The following XYLB variants were observed in gnomAD, a reference collection of about 807,000 sequenced individuals.
XYLB encodes xylulose kinase.
A neutral mutation model predicts 78.7 loss-of-function variants in XYLB; 62 were observed. The ratio of observed to expected loss-of-function variants is 0.79; its 90% CI spans 0.64 to 0.97. The LOEUF (loss-of-function observed/expected upper bound fraction) is 0.97, where lower values mean the gene tolerates loss of function less well. Ranked by LOEUF, XYLB falls within the 50% of genes least tolerant of loss-of-function variation. The pLI is 0.00. For synonymous variants in XYLB, 245 were observed against 247.4 expected, an observed-to-expected ratio of 0.99 and a Z score of 0.09; for missense variants, 687 against 676.8, an observed-to-expected ratio of 1.02 and a Z score of -0.17.
At chr3:38,355,110 CAGGGGAAG>C (rs1274088179) in intron 2 of XYLB, among the ~76,000 whole-genome samples, 2 of 152,198 alleles carry the variant, frequency 1.3e-5, no homozygotes, top group African/African-American at 4.8e-5. Context: ...TCCAGTAGAA[CAGGGGAAG>C]TGGCATTGTG....
At chr3:38,388,169 G>GTTTTTTT (rs71085320) in intron 15 of XYLB, among the ~76,000 whole-genome samples, 2 of 109,338 alleles carry the variant, frequency 1.8e-5, no homozygotes, top group African/African-American at 6.5e-5. Flanking sequence ...GTTTTTTTTT[G>GTTTTTTT]TTTTTTTTTT....
chr3:38,411,809 A>G (rs1445906925), intron 18 of XYLB, among the ~76,000 whole-genome samples: 1 of 152,014 alleles, frequency 6.6e-6, no homozygotes, highest in African/African-American at 2.4e-5. Context: ...CTGCATCTGA[A>G]CTGAGAAAAC....
intron 10 of XYLB, 143 bp from the exon 11 acceptor site, chr3:38,374,319 C>G: frequency 8.5e-7 from 1 of 1,178,450 alleles, no homozygotes; most frequent in Non-Finnish European, 1.2e-6. Flanking sequence ...CCTGAGCGCT[C>G]AGCTCCCCTG....
At chr3:38,446,193 T>C in the XYLB span, among the ~76,000 whole-genome samples, 1 of 152,174 alleles carries the variant, frequency 6.6e-6, no homozygotes, top group South Asian at 2.1e-4. Flanking sequence ...GATTGGTCCA[T>C]TTTACAGTGT....
At chr3:38,375,400 A>G (rs2125602837) in intron 12 of XYLB, 141 bp downstream of exon 12, 1 of 701,946 alleles carries the variant, frequency 1.4e-6, no homozygotes, top group East Asian at 2.7e-5. Flanking sequence ...GGCAACTGAG[A>G]CCCCCAAGGA....
At chr3:38,430,438 G>A in the XYLB span, among the ~76,000 whole-genome samples, 1 of 152,126 alleles carries the variant, frequency 6.6e-6, no homozygotes, top group East Asian at 1.9e-4. Context: ...TAAGTTCTTT[G>A]TAGATTCTCG....
the XYLB span, among the ~76,000 whole-genome samples, chr3:38,435,988 CA>C: frequency 6.6e-6 from 1 of 152,170 alleles, no homozygotes; most frequent in South Asian, 2.1e-4. Flanking sequence ...ATAGAAAGAT[CA>C]CAAGTTAACA....
intron 12 of XYLB, 132 bp downstream of exon 12, chr3:38,375,391 G>A: frequency 2.6e-6 from 2 of 779,804 alleles, no homozygotes; most frequent in South Asian, 1.7e-5. Context: ...GCTCTGCTGG[G>A]CAACTGAGAC....
At chr3:38,434,678 T>C in the XYLB span, among the ~76,000 whole-genome samples, 1 of 152,058 alleles carries the variant, frequency 6.6e-6, no homozygotes, top group East Asian at 1.9e-4. Context: ...AGAGCTCAAA[T>C]AGTACCACTA....
chr3:38,347,632 C>T (rs1420333567), intron 1 of XYLB, among the ~76,000 whole-genome samples: 1 of 151,742 alleles, frequency 6.6e-6, no homozygotes, highest in Non-Finnish European at 1.5e-5. Context: ...GCTAAGATGG[C>T]GTCACCGGTC....
At position 38,413,826 on chromosome 3, in the gene XYLB, C is replaced by T. The variant is rs1350253293; in HGVS notation, c.*813C>T. ...AGAACTTCTCTCCCTTTTTCTCCCT[C>T]ATTCCCTCTCTCTTCTTGCAGTCCA... is the stretch of plus-strand genomic sequence containing the variant. On this transcript the variant is annotated 3_prime_UTR_variant, in exon 19 of 19. Transcript: ENST00000207870. 1 of 152,218 alleles carries T rather than the reference C, an allele frequency of 6.6e-6. No homozygotes were observed. The highest frequency in any genetic ancestry group is 2.1e-4 in the South Asian group (1 of 4,834). 9.4% of individuals were successfully genotyped at this position (152,218 alleles called of 1,614,324 possible).
At chr3:38,375,937 C>T (rs1706830727) in intron 12 of XYLB, among the ~76,000 whole-genome samples, 180 bp from the exon 13 acceptor site, 1 of 152,188 alleles carries the variant, frequency 6.6e-6, no homozygotes, top group Non-Finnish European at 1.5e-5. Context: ...CAGGGACATT[C>T]AGGGGCCTGA....
chr3:38,420,396 A>G (rs575940139), exon 18 of XYLB, among the ~76,000 whole-genome samples: 6 of 152,356 alleles, frequency 3.9e-5, no homozygotes, highest in Admixed American at 3.3e-4. Context: ...ACAGCATTTT[A>G]TCACTAAGAG....
chr3:38,439,372 A>C, the XYLB span, among the ~76,000 whole-genome samples: 1 of 152,230 alleles, frequency 6.6e-6, no homozygotes, highest in African/African-American at 2.4e-5. Context: ...CAAGGATGTT[A>C]AAAATACAAG....
intron 17 of XYLB, among the ~76,000 whole-genome samples, chr3:38,397,894 A>C (rs960301220): frequency 6.7e-6 from 1 of 150,126 alleles, no homozygotes; most frequent in African/African-American, 2.4e-5. Flanking sequence ...TCTTGGTTCA[A>C]TGCAAGCTCT....
At chr3:38,408,649 A>T (rs906550252) in intron 18 of XYLB, among the ~76,000 whole-genome samples, 4 of 150,984 alleles carry the variant, frequency 2.6e-5, no homozygotes, top group African/African-American at 4.9e-5. Flanking sequence ...CAAGACTAAT[A>T]AAGAAGAAAA....
At chr3:38,395,989 A>G (rs555573876) in intron 16 of XYLB, among the ~76,000 whole-genome samples, 5 of 152,346 alleles carry the variant, frequency 3.3e-5, no homozygotes, top group South Asian at 2.1e-4. Flanking sequence ...TGCCAGAAAC[A>G]TATGACCAAA....
the XYLB span, among the ~76,000 whole-genome samples, chr3:38,428,563 A>G: frequency 6.6e-6 from 1 of 152,182 alleles, no homozygotes; most frequent in Admixed American, 6.5e-5. Context: ...CACTTATGAA[A>G]TGTTCCTCTT....
chr3:38,429,962 G>A, the XYLB span, among the ~76,000 whole-genome samples: 2 of 152,302 alleles, frequency 1.3e-5, no homozygotes, highest in South Asian at 2.1e-4. Flanking sequence ...ATCATTGATG[G>A]ACATTTGGTT....
Sources: gnomAD v4.1 joint callset for allele counts (sites outside exome capture counted in the v4.1 genomes callset) on GRCh38, gnomAD v4.1.1 for gene constraint, MANE v1.5 for transcripts, NCBI Gene and HGNC (gene_info 2026-07-23, HGNC 2026-07-21) for gene names.